SPAG16: variants seen among roughly 807,000 people sequenced by gnomAD.
SPAG16 encodes the protein sperm-associated antigen 16 protein.
A neutral mutation model predicts 80.4 loss-of-function variants in SPAG16; 86 were observed. That is an observed-to-expected ratio of 1.07 (90% CI 0.90 to 1.28). The LOEUF (loss-of-function observed/expected upper bound fraction) is 1.28, where lower values mean the gene tolerates loss of function less well. Ranked by LOEUF, SPAG16 falls within the 50% of genes most tolerant of loss-of-function variation. The pLI is 0.00. For synonymous variants in SPAG16, 294 were observed against 265.9 expected (o/e 1.11, Z -1.03); for missense variants, 870 against 765.3 (o/e 1.14, Z -1.61).
At chr2:213,607,547 A>C (rs972308981) in intron 10 of SPAG16, among the ~76,000 whole-genome samples, 2 of 152,240 alleles carry the variant, frequency 1.3e-5, no homozygotes, top group Non-Finnish European at 2.9e-5. Flanking sequence ...CTTTTTATAA[A>C]GGAGAGTGCT....
intron 15 of SPAG16, among the ~76,000 whole-genome samples, chr2:214,353,446 A>T (rs150074582): frequency 1.3e-5 from 2 of 152,298 alleles, no homozygotes; most frequent in East Asian, 3.9e-4. Flanking sequence ...GATTGGTTTA[A>T]ATTATAGAAT....
chr2:214,252,894 C>G (rs958887471), intron 15 of SPAG16, among the ~76,000 whole-genome samples: 8 of 152,038 alleles, frequency 5.3e-5, no homozygotes, highest in Admixed American at 2.0e-4. Flanking sequence ...AATGGTTGAA[C>G]GAGTTTACAG....
intron 14 of SPAG16, among the ~76,000 whole-genome samples, chr2:214,123,093 A>G (rs1429919174): frequency 2.6e-5 from 4 of 151,956 alleles, no homozygotes; most frequent in Non-Finnish European, 5.9e-5. Context: ...GTAAAGCAAA[A>G]GAAAAGCATT....
At chr2:214,152,577 G>A (rs1002005905) in intron 15 of SPAG16, among the ~76,000 whole-genome samples, 2 of 152,126 alleles carry the variant, frequency 1.3e-5, no homozygotes, top group Non-Finnish European at 2.9e-5. Context: ...TGTGTGCGGC[G>A]ACGAGAGAGT....
chr2:213,756,754 A>G (rs989820002), intron 10 of SPAG16, among the ~76,000 whole-genome samples: 3 of 106,416 alleles, frequency 2.8e-5, no homozygotes, highest in East Asian at 3.0e-4. Context: ...ATTTATTTAA[A>G]AAGACACTCA....
intron 11 of SPAG16, among the ~76,000 whole-genome samples, chr2:213,873,690 T>C (rs1364888820): frequency 6.6e-6 from 1 of 152,174 alleles, no homozygotes; most frequent in East Asian, 1.9e-4. Context: ...TGTTTTTGTT[T>C]TCATTCATAT....
At chr2:213,625,621 T>C (rs1301397093) in intron 10 of SPAG16, among the ~76,000 whole-genome samples, 5 of 152,198 alleles carry the variant, frequency 3.3e-5, no homozygotes, top group Non-Finnish European at 7.3e-5. Context: ...CCCAAGACTT[T>C]CACCTTTAAT....
chr2:213,705,028 G>A (rs544964960), intron 10 of SPAG16, among the ~76,000 whole-genome samples: 3 of 152,240 alleles, frequency 2.0e-5, no homozygotes, highest in African/African-American at 4.8e-5. Flanking sequence ...GGAGGCAGGC[G>A]GATCATGAGG....
chr2:214,279,671 T>C (rs1174476882), intron 15 of SPAG16, among the ~76,000 whole-genome samples: 4 of 152,218 alleles, frequency 2.6e-5, no homozygotes, highest in African/African-American at 7.2e-5. Flanking sequence ...GATCAGGACA[T>C]GCATGTGAGG....
chr2:214,191,976 A>G (rs772931733), intron 15 of SPAG16, among the ~76,000 whole-genome samples: 1 of 151,926 alleles, frequency 6.6e-6, no homozygotes. Context: ...ATCATTGGAC[A>G]TTACTTTGGG....
chr2:213,297,564 ACT>A (rs1279241067), intron 3 of SPAG16, among the ~76,000 whole-genome samples: 3 of 151,468 alleles, frequency 2.0e-5, no homozygotes, highest in African/African-American at 4.8e-5. Context: ...CATCATGGTC[ACT>A]CTTGCATGAC....
intron 9 of SPAG16, among the ~76,000 whole-genome samples, chr2:213,447,999 C>T (rs1220477919): frequency 5.9e-5 from 9 of 152,196 alleles, no homozygotes; most frequent in Admixed American, 1.3e-4. Flanking sequence ...ATTACAGTCA[C>T]GGCACTGGCC....
intron 15 of SPAG16, among the ~76,000 whole-genome samples, chr2:214,408,154 A>G (rs1364282734): frequency 1.3e-5 from 2 of 152,144 alleles, no homozygotes; most frequent in Non-Finnish European, 2.9e-5. Flanking sequence ...CTTCATAAAT[A>G]TTTCCAATTA....
chr2:213,715,189 G>A (rs899908664), intron 10 of SPAG16, among the ~76,000 whole-genome samples: 3 of 151,794 alleles, frequency 2.0e-5, no homozygotes, highest in Non-Finnish European at 2.9e-5. Context: ...AAGTGGGATG[G>A]ATGGAAAAGA....
chr2:214,111,737 A>G (rs2053673678), intron 14 of SPAG16, among the ~76,000 whole-genome samples: 1 of 10,062 alleles, frequency 9.9e-5, no homozygotes, highest in Admixed American at 1.6e-3. Flanking sequence ...TCATTTTCAC[A>G]ATATTCTTCC....
At chr2:213,819,523 A>AAGGAAT (rs1320830325) in intron 10 of SPAG16, among the ~76,000 whole-genome samples, 1 of 152,158 alleles carries the variant, frequency 6.6e-6, no homozygotes, top group African/African-American at 2.4e-5. Context: ...TGTGAGAGTA[A>AAGGAAT]AGGAATAAAT....
chr2:213,532,682 C>A (rs1045092219), intron 10 of SPAG16, among the ~76,000 whole-genome samples: 5 of 150,782 alleles, frequency 3.3e-5, no homozygotes, highest in African/African-American at 1.2e-4. Context: ...AGGCTGATCT[C>A]GAACTCCTGA....
intron 10 of SPAG16, among the ~76,000 whole-genome samples, chr2:213,683,696 C>A (rs1318341602): frequency 6.6e-6 from 1 of 151,928 alleles, no homozygotes; most frequent in Non-Finnish European, 1.5e-5. Context: ...CATGCATAAA[C>A]CTCACCTATA....
intron 15 of SPAG16, among the ~76,000 whole-genome samples, chr2:214,164,010 T>C (rs1333278208): frequency 1.3e-5 from 2 of 152,108 alleles, no homozygotes; most frequent in African/African-American, 2.4e-5. Context: ...CCGGGTACCA[T>C]ATGTACAATG....
Sources: gnomAD v4.1 joint callset for allele counts (sites outside exome capture counted in the v4.1 genomes callset) on GRCh38, gnomAD v4.1.1 for gene constraint, MANE v1.5 for transcripts, NCBI Gene and HGNC (gene_info 2026-07-23, HGNC 2026-07-21) for gene names.